ANKS1B: variants seen among roughly 807,000 people sequenced by gnomAD.
The protein encoded by ANKS1B is ankyrin repeat and sterile alpha motif domain containing 1B, also known as ankyrin repeat and sterile alpha motif domain-containing protein 1B.
Under a neutral mutation model 148.3 loss-of-function variants are expected in ANKS1B, and 36 were observed. The observed-to-expected ratio is 0.24, with a 90% confidence interval of 0.19 to 0.32. The LOEUF (loss-of-function observed/expected upper bound fraction) is 0.32, where lower values mean the gene tolerates loss of function less well. ANKS1B is among the 10% of genes least tolerant of loss of function. The pLI, the probability that ANKS1B is intolerant of heterozygous loss-of-function variation, is 1.00. For missense variants in ANKS1B, 1,157 were observed against 1,542.6 expected, an observed-to-expected ratio of 0.75 and a Z score of 4.19; for synonymous variants, 542 against 560.8, an observed-to-expected ratio of 0.97 and a Z score of 0.47.
At chr12:99,496,364 T>C (rs1305376707) in intron 10 of ANKS1B, among the ~76,000 whole-genome samples, 4 of 152,204 alleles carry the variant, frequency 2.6e-5, no homozygotes, top group African/African-American at 9.7e-5. Flanking sequence ...ATAATATCCA[T>C]CCATTCATTC....
chr12:99,408,007 G>T (rs61498848), intron 11 of ANKS1B, among the ~76,000 whole-genome samples: 12,162 of 145,148 alleles, frequency 0.084, 2,774 homozygotes, highest in African/African-American at 0.28. Context: ...ATCCTAAAAT[G>T]TATATGGAAC....
chr12:99,404,834 G>T (rs540558886), intron 11 of ANKS1B, among the ~76,000 whole-genome samples: 10 of 145,266 alleles, frequency 6.9e-5, no homozygotes, highest in Non-Finnish European at 1.2e-4. Context: ...ATCCAAACAA[G>T]ACTACCTCAA....
chr12:99,299,739 T>C (rs557647940), intron 12 of ANKS1B, among the ~76,000 whole-genome samples: 24 of 152,344 alleles, frequency 1.6e-4, no homozygotes, highest in Non-Finnish European at 3.4e-4. Flanking sequence ...GGGAAATAGA[T>C]TAATCAACTA....
intron 17 of ANKS1B, among the ~76,000 whole-genome samples, chr12:99,018,084 A>C (rs1395386544): frequency 6.6e-6 from 1 of 152,098 alleles, no homozygotes. Context: ...TGACTCAGTC[A>C]CTCATTTTGA....
At chr12:99,914,629 A>G (rs1002798916) in intron 1 of ANKS1B, among the ~76,000 whole-genome samples, 1 of 152,168 alleles carries the variant, frequency 6.6e-6, no homozygotes, top group Non-Finnish European at 1.5e-5. Context: ...GAGCTTAGCT[A>G]CAAAGACAAC....
intron 15 of ANKS1B, among the ~76,000 whole-genome samples, chr12:99,144,884 C>A (rs924127325): frequency 6.6e-6 from 1 of 152,024 alleles, no homozygotes. Flanking sequence ...GGAACCAACC[C>A]TGCTGGCACT....
chr12:99,957,036 G>A (rs2095334709), intron 1 of ANKS1B, among the ~76,000 whole-genome samples: 1 of 152,168 alleles, frequency 6.6e-6, no homozygotes, highest in South Asian at 2.1e-4. Context: ...AGCTCTATCA[G>A]GTACTGTCTA....
chr12:99,840,839 A>G (rs1280408305), intron 1 of ANKS1B, among the ~76,000 whole-genome samples: 1 of 152,156 alleles, frequency 6.6e-6, no homozygotes, highest in Non-Finnish European at 1.5e-5. Context: ...CCACTAAAAT[A>G]ATAAGAAGAT....
intron 14 of ANKS1B, among the ~76,000 whole-genome samples, chr12:99,204,390 A>G (rs914931214): frequency 1.3e-5 from 2 of 152,270 alleles, no homozygotes; most frequent in African/African-American, 4.8e-5. Context: ...TAAGTGTGAC[A>G]AATCCAAACT....
At chr12:99,352,697 A>T (rs769625054) in intron 12 of ANKS1B, among the ~76,000 whole-genome samples, 5 of 152,030 alleles carry the variant, frequency 3.3e-5, no homozygotes, top group Non-Finnish European at 7.4e-5. Context: ...TAAAAATCAC[A>T]CCATTTATAA....
chr12:99,137,928 C>T (rs1411836551), intron 15 of ANKS1B, among the ~76,000 whole-genome samples: 2 of 151,978 alleles, frequency 1.3e-5, no homozygotes, highest in Non-Finnish European at 2.9e-5. Context: ...GTGCTGTGAG[C>T]TTTGTGAGAG....
chr12:99,087,771 A>T (rs2052443926), intron 15 of ANKS1B, among the ~76,000 whole-genome samples: 1 of 152,180 alleles, frequency 6.6e-6, no homozygotes, highest in South Asian at 2.1e-4. Context: ...GTTTTTTTGC[A>T]GAAACAGAAA....
intron 10 of ANKS1B, among the ~76,000 whole-genome samples, chr12:99,501,672 A>G (rs1474357465): frequency 2.6e-5 from 4 of 152,148 alleles, no homozygotes; most frequent in African/African-American, 9.7e-5. Flanking sequence ...TTCCTATTAC[A>G]GTCCCTGAGC....
At chr12:98,927,479 T>G (rs79343833) in intron 17 of ANKS1B, among the ~76,000 whole-genome samples, 11,217 of 152,150 alleles carry the variant, frequency 0.074, 432 homozygotes, top group African/African-American at 0.095. Flanking sequence ...TGCTTGTAAC[T>G]CTTTCTAATT....
Position 99,358,129 on chromosome 12 carries a change from A to C in ANKS1B, c.1756+41502T>G, listed in dbSNP as rs368734867. Among the ~76,000 whole-genome samples, 323 of 152,182 alleles carry C rather than the reference A, an allele frequency of 2.1e-3. 7 individuals carry two copies. In the South Asian group the frequency reaches 0.037, roughly 17 times the overall value. The stretch of plus-strand genomic sequence containing the variant: ...CATTTTTTTAATTTTTATATAGGTT[A>C]ACATTTACTTCTTAATTTTCATACA... On this transcript the variant is annotated intron_variant, in intron 12 of 26. Transcript: ENST00000683438.
At chr12:99,111,023 C>G (rs189216561) in intron 15 of ANKS1B, among the ~76,000 whole-genome samples, 50 of 152,256 alleles carry the variant, frequency 3.3e-4, no homozygotes, top group African/African-American at 1.2e-3. Flanking sequence ...CACACTGCAT[C>G]GAAGCTATCT....
chr12:99,590,143 CATAT>C (rs1448478420), intron 9 of ANKS1B, among the ~76,000 whole-genome samples: 2 of 151,802 alleles, frequency 1.3e-5, no homozygotes, highest in African/African-American at 4.8e-5. Context: ...ATTTTGAGCA[CATAT>C]AAACATATAT....
At chr12:99,910,184 T>A (rs11110123) in intron 1 of ANKS1B, among the ~76,000 whole-genome samples, 92,062 of 151,560 alleles carry the variant, frequency 0.61, 29,066 homozygotes, top group Middle Eastern at 0.7. Context: ...GGGAAACCCC[T>A]TCTCTACTAA....
At chr12:98,986,072 T>A (rs867696454) in intron 17 of ANKS1B, among the ~76,000 whole-genome samples, 2 of 152,216 alleles carry the variant, frequency 1.3e-5, no homozygotes, top group Admixed American at 1.3e-4. Flanking sequence ...TTGGCTTACT[T>A]ATTTTTAACA....
Sources: gnomAD v4.1 joint callset for allele counts (sites outside exome capture counted in the v4.1 genomes callset) on GRCh38, gnomAD v4.1.1 for gene constraint, MANE v1.5 for transcripts, NCBI Gene and HGNC (gene_info 2026-07-23, HGNC 2026-07-21) for gene names.